The following ARHGAP24 variants were observed in gnomAD, a reference collection of about 807,000 sequenced individuals.
ARHGAP24 encodes rho GTPase-activating protein 24.
ARHGAP24 carries 50 observed loss-of-function variants against 76.4 expected under a neutral mutation model. The observed-to-expected ratio is 0.65, with a 90% CI of 0.52 to 0.83. ARHGAP24 has a LOEUF of 0.83. ARHGAP24 is among the 40% of genes least tolerant of loss of function. The pLI is 0.00. For missense variants in ARHGAP24, 930 were observed against 914.2 expected (o/e 1.02, Z -0.22); for synonymous variants, 345 against 323.3 (o/e 1.07, Z -0.72).
chr4:85,485,265 G>A (rs1245249835), intron 1 of ARHGAP24, among the ~76,000 whole-genome samples: 6 of 142,660 alleles, frequency 4.2e-5, no homozygotes, highest in Non-Finnish European at 6.0e-5. Flanking sequence ...GGAGAATGGC[G>A]TGAACCTGGG....
chr4:85,479,210 C>T (rs970279594), intron 1 of ARHGAP24, among the ~76,000 whole-genome samples: 9 of 152,194 alleles, frequency 5.9e-5, no homozygotes, highest in Non-Finnish European at 1.2e-4. Context: ...TACCACCCCA[C>T]ACATGCCTAT....
intron 3 of ARHGAP24, among the ~76,000 whole-genome samples, chr4:85,899,402 G>T (rs889458261): frequency 1.3e-5 from 2 of 152,158 alleles, no homozygotes; most frequent in African/African-American, 4.8e-5. Context: ...AGATCCTAGT[G>T]TTGCTTTACC....
intron 3 of ARHGAP24, among the ~76,000 whole-genome samples, chr4:85,863,828 G>A (rs552283211): frequency 6.6e-6 from 1 of 152,088 alleles, no homozygotes; most frequent in Non-Finnish European, 1.5e-5. Flanking sequence ...TAGGAGTGGA[G>A]GTTTAATAGG....
intron 3 of ARHGAP24, among the ~76,000 whole-genome samples, chr4:85,770,753 A>T (rs1229002791): frequency 1.3e-5 from 2 of 152,206 alleles, no homozygotes; most frequent in Non-Finnish European, 2.9e-5. Context: ...AAGTTTGGAA[A>T]CCTAATTAAT....
intron 2 of ARHGAP24, among the ~76,000 whole-genome samples, chr4:85,619,713 C>T (rs756608639): frequency 1.3e-5 from 2 of 151,840 alleles, no homozygotes; most frequent in Non-Finnish European, 2.9e-5. Context: ...TTTATGCAAT[C>T]GTAAATGGGA....
chr4:85,743,929 A>G (rs1183631198), intron 3 of ARHGAP24, among the ~76,000 whole-genome samples: 1 of 152,234 alleles, frequency 6.6e-6, no homozygotes, highest in African/African-American at 2.4e-5. Flanking sequence ...AAACTAATTG[A>G]TTATTTAATT....
chr4:85,758,062 G>C (rs922897858), intron 3 of ARHGAP24, among the ~76,000 whole-genome samples: 17 of 144,078 alleles, frequency 1.2e-4, no homozygotes, highest in Non-Finnish European at 1.5e-5. Context: ...AGAAGAAGGG[G>C]GAAAAAAAAG....
At chr4:85,855,575 T>G (rs1731506947) in intron 3 of ARHGAP24, among the ~76,000 whole-genome samples, 1 of 151,798 alleles carries the variant, frequency 6.6e-6, no homozygotes, top group African/African-American at 2.4e-5. Flanking sequence ...GTGTATCACC[T>G]GAGGTCAGCA....
At chr4:85,795,048 GTAGA>G (rs932856385) in intron 3 of ARHGAP24, among the ~76,000 whole-genome samples, 30 of 152,170 alleles carry the variant, frequency 2.0e-4, no homozygotes, top group African/African-American at 5.8e-4. Context: ...TTCGGAATTC[GTAGA>G]TAATCTCCAG....
chr4:85,640,912 A>G (rs202072858), intron 2 of ARHGAP24, among the ~76,000 whole-genome samples: 2 of 113,236 alleles, frequency 1.8e-5, no homozygotes, highest in African/African-American at 3.1e-5. Context: ...TTTTTTGGAT[A>G]CAAGATAAAT....
intron 8 of ARHGAP24, among the ~76,000 whole-genome samples, chr4:85,979,132 A>G (rs1321944148): frequency 6.6e-6 from 1 of 152,108 alleles, no homozygotes; most frequent in Non-Finnish European, 1.5e-5. Context: ...ACAAGTTAGG[A>G]CCTGGATAAA....
chr4:85,983,025 G>A (rs1489156441), intron 8 of ARHGAP24, among the ~76,000 whole-genome samples: 1 of 152,104 alleles, frequency 6.6e-6, no homozygotes, highest in Non-Finnish European at 1.5e-5. Flanking sequence ...GGGGTGGTTG[G>A]TTTTCTGTTC....
chr4:85,602,322 A>T (rs1720056796), intron 2 of ARHGAP24, among the ~76,000 whole-genome samples: 1 of 152,196 alleles, frequency 6.6e-6, no homozygotes, highest in Non-Finnish European at 1.5e-5. Context: ...TTAAAACGCA[A>T]AAATTTAAGA....
chr4:85,482,235 T>C (rs1470413057), intron 1 of ARHGAP24, among the ~76,000 whole-genome samples: 1 of 152,232 alleles, frequency 6.6e-6, no homozygotes, highest in African/African-American at 2.4e-5. Context: ...GGTTTGTCAT[T>C]GTGAAATCGT....
intron 1 of ARHGAP24, among the ~76,000 whole-genome samples, chr4:85,522,365 C>T (rs199693678): frequency 4.6e-5 from 7 of 152,230 alleles, no homozygotes; most frequent in South Asian, 4.1e-4. Context: ...TTAGGTGATA[C>T]TCAGTTGGTG....
intron 4 of ARHGAP24, 121 bp from the exon 5 acceptor site, chr4:85,941,945 A>C: frequency 1.0e-6 from 1 of 952,870 alleles, no homozygotes; most frequent in South Asian, 1.4e-5. Flanking sequence ...GAAATACTGA[A>C]TGTTAAGTGC....
chr4:85,776,774 A>G (rs1216511520), intron 3 of ARHGAP24, among the ~76,000 whole-genome samples: 1 of 151,948 alleles, frequency 6.6e-6, no homozygotes, highest in Non-Finnish European at 1.5e-5. Context: ...CCTCTGAATC[A>G]CCTTGACTCA....
At chr4:85,593,842 C>G (rs558759516) in intron 2 of ARHGAP24, among the ~76,000 whole-genome samples, 17 of 151,996 alleles carry the variant, frequency 1.1e-4, no homozygotes, top group Non-Finnish European at 2.1e-4. Context: ...ACTATGCTCT[C>G]TTAGTTACAA....
chr4:85,894,921 A>G, intron 3 of ARHGAP24, among the ~76,000 whole-genome samples: 1 of 120,464 alleles, frequency 8.3e-6, no homozygotes, highest in Non-Finnish European at 1.7e-5. Flanking sequence ...AGATCATACC[A>G]CTGTACTCTA....
Sources: allele counts gnomAD v4.1 joint callset (sites outside exome capture counted in the v4.1 genomes callset), GRCh38; gene constraint gnomAD v4.1.1; transcripts MANE v1.5; gene names NCBI Gene and HGNC (gene_info 2026-07-23, HGNC 2026-07-21).